EFNB2: variants seen among roughly 807,000 people sequenced by gnomAD.
EFNB2 encodes ephrin-B2.
A neutral mutation model predicts 32.1 loss-of-function variants in EFNB2; 5 were observed. That is an observed-to-expected ratio of 0.16 (90% confidence interval 0.08 to 0.33). The LOEUF (loss-of-function observed/expected upper bound fraction) is 0.33. Among genes scored for constraint, EFNB2 ranks in the 10% least tolerant of loss-of-function variants. The pLI, the probability that EFNB2 is intolerant of heterozygous loss-of-function variation, is 1.00. For missense variants in EFNB2, 263 were observed against 422.6 expected (o/e 0.62, Z 3.31); for synonymous variants, 168 against 166.5 (o/e 1.01, Z -0.07).
intron 1 of EFNB2, chr13:106,521,179 A>G (rs962388760): frequency 3.2e-5 from 4 of 124,660 alleles, no homozygotes; most frequent in African/African-American, 1.2e-4. Context: ...AGGCTATACA[A>G]TTTGGAACCA....
chr13:106,506,910 G>A (rs750810731), intron 2 of EFNB2, among the ~76,000 whole-genome samples: 4 of 152,088 alleles, frequency 2.6e-5, no homozygotes, highest in African/African-American at 4.8e-5. Context: ...TCAGGAACTC[G>A]GGTCTTCCAG....
Position 106,515,796 on chromosome 13 carries a change from T to TG in EFNB2, c.123-2985dup, listed in dbSNP as rs555303149. 2.9e-3 allele frequency among the ~76,000 whole-genome samples: 447 copies of TG among 152,332 alleles called. 1 individual carries two copies. The highest frequency in any genetic ancestry group is 0.01 in the African/African-American group (432 of 41,586). ...GGCCATGTTTTCACTACGTGTAGTC[T>TG]GCATTATTGACTCTGCCTCCCGGGA... On this transcript the variant is annotated intron_variant, in intron 1 of 4. Coordinates refer to ENST00000646441, the MANE Select transcript of EFNB2 (RefSeq NM_004093.4).
chr13:106,493,250 C>T lies in EFNB2; in HGVS notation c.792G>A (p.Thr264=), dbSNP rs370518437. Residue 264 remains threonine (T), a synonymous_variant, in exon 5 of 5, where the codon ACG becomes ACA. Coordinates refer to ENST00000646441, the MANE Select transcript of EFNB2 (RefSeq NM_004093.4). This position sits in a 1 kb window ranked among gnomAD's most constrained non-coding sequence, Gnocchi z 6.1. ...CCAGTGTGCTGAGCGACAGCGTGGT[C>T]GTGTGCTGCGGCGAGTGCTTCCTGT... The part of the protein sequence containing the change: ...RRHRKHSPQH[T]TTLSLSTLAT... The T allele has an allele frequency of 3.1e-6, 5 of 1,614,148 alleles. No individual in the cohort carries two copies. The highest frequency in any genetic ancestry group is 2.7e-5 in the African/African-American group (2 of 75,030).
intron 2 of EFNB2, among the ~76,000 whole-genome samples, chr13:106,501,924 A>C (rs1878798040): frequency 6.6e-6 from 1 of 152,172 alleles, no homozygotes; most frequent in Admixed American, 6.5e-5. Context: ...ATTTATACTT[A>C]GCAAAGTTAA....
At chr13:106,531,778 T>C (rs1594180242) in intron 1 of EFNB2, among the ~76,000 whole-genome samples, 1 of 152,160 alleles carries the variant, frequency 6.6e-6, no homozygotes, top group South Asian at 2.1e-4. Flanking sequence ...AAAAATTACA[T>C]GGGAAAAGCA....
intron 2 of EFNB2, among the ~76,000 whole-genome samples, chr13:106,504,670 G>A (rs79193296): frequency 0.042 from 6,345 of 152,202 alleles, 189 homozygotes; most frequent in Middle Eastern, 0.071. Context: ...AAAACCACTT[G>A]CAAAGCACAA....
chr13:106,500,747 T>C (rs1209885798), intron 2 of EFNB2, among the ~76,000 whole-genome samples: 1 of 152,252 alleles, frequency 6.6e-6, no homozygotes, highest in Non-Finnish European at 1.5e-5. Flanking sequence ...CTAGCCTTGC[T>C]AATTTGGACT....
chr13:106,526,846 C>G (rs1313322274), intron 1 of EFNB2, among the ~76,000 whole-genome samples: 1 of 152,146 alleles, frequency 6.6e-6, no homozygotes, highest in Non-Finnish European at 1.5e-5. Flanking sequence ...AGCTATAACC[C>G]TAGGCTGGAA....
intron 1 of EFNB2, among the ~76,000 whole-genome samples, chr13:106,532,793 G>C (rs1235366855): frequency 1.4e-5 from 2 of 146,094 alleles, no homozygotes; most frequent in African/African-American, 2.5e-5. Context: ...GACATAGCTG[G>C]AAAGACAGAC....
At chr13:106,509,137 A>T (rs536919435) in intron 2 of EFNB2, among the ~76,000 whole-genome samples, 106 of 152,346 alleles carry the variant, frequency 7.0e-4, no homozygotes, top group African/African-American at 2.5e-3. Flanking sequence ...ATTAAAGTTC[A>T]AAGAAATAAA....
chr13:106,535,649 CGAG>C lies in EFNB2; in HGVS notation c.-688_-686del. The C allele has an allele frequency of 6.6e-6, 1 of 150,662 alleles. No homozygotes were observed. Among genetic ancestry groups the C allele is most frequent in the Middle Eastern group, 3.5e-3 (1 of 286 alleles). 9.3% of individuals were successfully genotyped at this position (150,662 alleles called of 1,614,324 possible). A position where few individuals can be genotyped will look rare whatever the true frequency, so the allele number is the denominator to read the frequency against. On this transcript the variant is annotated 5_prime_UTR_variant, in exon 1 of 5. Transcript: ENST00000646441. ...CTCCGGCCGGCGCCGCGGTCCCCGC[CGAG>C]GAGAGTCAGCGCGGCCGCCGCGCTG... is the stretch of plus-strand genomic sequence containing the variant.
intron 2 of EFNB2, among the ~76,000 whole-genome samples, chr13:106,501,884 G>A (rs551547131): frequency 1.3e-5 from 2 of 152,220 alleles, no homozygotes; most frequent in South Asian, 2.1e-4. Flanking sequence ...GAGCCACCGC[G>A]CCCGGCCCAG....
intron 2 of EFNB2, among the ~76,000 whole-genome samples, chr13:106,502,825 C>G (rs1275036610): frequency 7.2e-6 from 1 of 138,868 alleles, no homozygotes; most frequent in African/African-American, 2.8e-5. Context: ...TACAGACACT[C>G]AAGAGTGAAA....
intron 1 of EFNB2, among the ~76,000 whole-genome samples, chr13:106,534,018 C>G (rs1879970197): frequency 6.6e-6 from 1 of 152,216 alleles, no homozygotes; most frequent in Admixed American, 6.5e-5. Context: ...AAATCTGATC[C>G]TAAGGATCCC....
At chr13:106,513,841 T>C (rs1594170401) in intron 1 of EFNB2, among the ~76,000 whole-genome samples, 2 of 152,130 alleles carry the variant, frequency 1.3e-5, no homozygotes, top group Admixed American at 1.3e-4. Flanking sequence ...ATCCTTCCAA[T>C]CCAACCCTTT....
At chr13:106,529,440 G>A (rs1399083758) in intron 1 of EFNB2, among the ~76,000 whole-genome samples, 3 of 152,188 alleles carry the variant, frequency 2.0e-5, no homozygotes, top group Non-Finnish European at 4.4e-5. Flanking sequence ...AAAAAAGGCA[G>A]TCAATGAAAT....
chr13:106,534,090 AG>A (rs1879973430), intron 1 of EFNB2, among the ~76,000 whole-genome samples: 1 of 152,158 alleles, frequency 6.6e-6, no homozygotes, highest in African/African-American at 2.4e-5. Flanking sequence ...CAGGGCCCTA[AG>A]CTTTTATAGG....
At chr13:106,533,841 AAT>A (rs1271837238) in intron 1 of EFNB2, among the ~76,000 whole-genome samples, 1 of 152,170 alleles carries the variant, frequency 6.6e-6, no homozygotes, top group Non-Finnish European at 1.5e-5. Context: ...TGTGATTCGA[AAT>A]AAGGGGATAC....
At chr13:106,533,550 C>A (rs1490219927) in intron 1 of EFNB2, among the ~76,000 whole-genome samples, 1 of 152,208 alleles carries the variant, frequency 6.6e-6, no homozygotes, top group African/African-American at 2.4e-5. Context: ...TTGTAACCGA[C>A]GTTTTCGCCC....
Sources: allele counts gnomAD v4.1 joint callset (sites outside exome capture counted in the v4.1 genomes callset), GRCh38; gene constraint gnomAD v4.1.1; non-coding constraint Gnocchi (gnomAD v3.1); transcripts MANE v1.5; gene names NCBI Gene and HGNC (gene_info 2026-07-23, HGNC 2026-07-21).